Variants in NF1 observed in about 807,000 individuals in gnomAD.
The protein encoded by NF1 is neurofibromin 1.
In NF1, 122 loss-of-function variants were observed where a neutral mutation model predicts 325.7. The observed-to-expected ratio is 0.37, with a 90% CI of 0.32 to 0.44. The LOEUF (loss-of-function observed/expected upper bound fraction) is 0.44. Ranked by LOEUF, NF1 falls within the 20% of genes least tolerant of loss-of-function variation. The probability of loss-of-function intolerance (pLI) is 1.00; values close to 1 mark genes in which losing one functional copy is unlikely to be tolerated. For missense variants in NF1, 2,140 were observed against 3,415.4 expected (o/e 0.63, Z 9.31); for synonymous variants, 1,091 against 1,186.0 (o/e 0.92, Z 1.65).
At chr17:31,310,018 A>T (rs1316548091) in intron 36 of NF1, among the ~76,000 whole-genome samples, 1 of 152,208 alleles carries the variant, frequency 6.6e-6, no homozygotes, top group Admixed American at 6.5e-5. Context: ...GAAAGATTTA[A>T]AAGAGGAATA....
At chr17:31,308,807 T>A (rs1162683882) in intron 36 of NF1, among the ~76,000 whole-genome samples, 1 of 152,168 alleles carries the variant, frequency 6.6e-6, no homozygotes, top group Non-Finnish European at 1.5e-5. Flanking sequence ...CTAGCTCTCA[T>A]TTATTGTTTT....
chr17:31,145,845 C>G (rs761447158), intron 1 of NF1, among the ~76,000 whole-genome samples: 1 of 152,126 alleles, frequency 6.6e-6, no homozygotes, highest in Non-Finnish European at 1.5e-5. Context: ...GATTGTGGTA[C>G]TATTTACCAA....
chr17:31,314,073 C>T (rs1439697413), intron 36 of NF1: 1 of 397,858 alleles, frequency 2.5e-6, no homozygotes, highest in African/African-American at 2.1e-5. Context: ...TGGTTCAATT[C>T]AGATTTAAAA....
intron 36 of NF1, chr17:31,305,052 T>C: frequency 6.2e-7 from 1 of 1,614,212 alleles, no homozygotes; most frequent in Non-Finnish European, 8.5e-7. Flanking sequence ...TGGTAGTATC[T>C]AAGATAAATC....
At chr17:31,325,018 G>A (rs977889003) in intron 36 of NF1, among the ~76,000 whole-genome samples, 5 of 152,018 alleles carry the variant, frequency 3.3e-5, no homozygotes, top group African/African-American at 1.2e-4. Flanking sequence ...ATTACTTCAG[G>A]GCTTTTTCAT....
At chr17:31,340,301 T>A in intron 46 of NF1, 1 of 612,812 alleles carries the variant, frequency 1.6e-6, no homozygotes, top group Non-Finnish European at 2.8e-6. Flanking sequence ...AAGGAGGTGC[T>A]AAGTAACGTT....
intron 3 of NF1, among the ~76,000 whole-genome samples, chr17:31,161,472 C>T (rs149536623): frequency 1.4e-3 from 219 of 152,204 alleles, no homozygotes; most frequent in African/African-American, 4.9e-3. Context: ...AATTCTTATC[C>T]GCATGTAGTT....
intron 30 of NF1, chr17:31,250,333 CTT>C (rs2151453200): frequency 4.6e-6 from 1 of 216,090 alleles, no homozygotes; most frequent in Non-Finnish European, 9.4e-6. Context: ...TCAGGTTTCT[CTT>C]TAAATTTTAT....
chr17:31,266,953 T>TG (rs2067801302), intron 36 of NF1, among the ~76,000 whole-genome samples: 1 of 150,790 alleles, frequency 6.6e-6, no homozygotes, highest in African/African-American at 2.4e-5. Context: ...TTTTTTGAAA[T>TG]GGAGTTTCAC....
intron 36 of NF1, among the ~76,000 whole-genome samples, chr17:31,277,960 C>T (rs925516946): frequency 6.6e-6 from 1 of 152,158 alleles, no homozygotes; most frequent in African/African-American, 2.4e-5. Context: ...TGTATGTACA[C>T]TGTATCATCT....
At chr17:31,142,744 G>T (rs111950543) in intron 1 of NF1, among the ~76,000 whole-genome samples, 1 of 152,032 alleles carries the variant, frequency 6.6e-6, no homozygotes, top group African/African-American at 2.4e-5. Context: ...GCAGGCGCCT[G>T]TAGTCCCAGC....
chr17:31,151,930 T>C (rs536077013), intron 1 of NF1, among the ~76,000 whole-genome samples: 2 of 152,234 alleles, frequency 1.3e-5, no homozygotes, highest in South Asian at 4.1e-4. Context: ...ATGTGCACAA[T>C]GTGCAGGTTT....
intron 52 of NF1, 28 bp downstream of exon 52, chr17:31,356,610 A>C: frequency 6.2e-7 from 1 of 1,613,012 alleles, no homozygotes; most frequent in Non-Finnish European, 8.5e-7. Flanking sequence ...GATCTAGATC[A>C]TTGAAAATAA....
rs748105842 is a variant in NF1, at chr17:31,156,133, A to G, written c.204+7A>G. Reference sequence around the variant, plus strand: ...AAAGAATGTTAACAATATGGTGAGTATTTGGGTTACTGTGTTTTGGGGAAT... The same window carrying G: ...AAAGAATGTTAACAATATGGTGAGTGTTTGGGTTACTGTGTTTTGGGGAAT... On this transcript the variant is annotated splice_region_variant and intron_variant, in intron 2 of 57. Coordinates refer to ENST00000358273, the MANE Select transcript of NF1 (RefSeq NM_001042492.3). The G allele has an allele frequency of 6.2e-7, 1 of 1,613,532 alleles. No individual in the cohort carries two copies. The highest frequency in any genetic ancestry group is 1.1e-5 in the South Asian group (1 of 91,048).
intron 36 of NF1, among the ~76,000 whole-genome samples, chr17:31,276,535 G>A (rs1387292688): frequency 6.6e-6 from 1 of 152,128 alleles, no homozygotes; most frequent in Non-Finnish European, 1.5e-5. Context: ...AAATAAAAAA[G>A]TTTGACACCA....
At chr17:31,206,461 T>C (rs2143917210) in intron 12 of NF1, 90 bp downstream of exon 12, 2 of 1,507,194 alleles carry the variant, frequency 1.3e-6, no homozygotes, top group East Asian at 4.5e-5. Context: ...TTGGTTATTT[T>C]AGAGAATTGA....
intron 36 of NF1, among the ~76,000 whole-genome samples, chr17:31,274,516 C>T (rs941319258): frequency 3.9e-5 from 6 of 152,002 alleles, no homozygotes; most frequent in Non-Finnish European, 7.4e-5. Flanking sequence ...TAGAACCATG[C>T]TTGGTAAATC....
intron 31 of NF1, chr17:31,253,235 G>T: frequency 4.1e-6 from 2 of 490,806 alleles, no homozygotes; most frequent in Non-Finnish European, 7.4e-6. Flanking sequence ...GGCATTTGTT[G>T]CATTGGATAT....
intron 36 of NF1, chr17:31,318,828 G>A (rs2069099702): frequency 1.2e-6 from 2 of 1,614,002 alleles, no homozygotes; most frequent in Non-Finnish European, 1.7e-6. Flanking sequence ...GAGTTATAGG[G>A]TTTGTGTTAA....
Sources: allele counts gnomAD v4.1 joint callset (sites outside exome capture counted in the v4.1 genomes callset), GRCh38; gene constraint gnomAD v4.1.1; transcripts MANE v1.5; gene names NCBI Gene and HGNC (gene_info 2026-07-23, HGNC 2026-07-21).